MAP3K5: variants seen among roughly 807,000 people sequenced by gnomAD.
The protein encoded by MAP3K5 is mitogen-activated protein kinase kinase kinase 5.
A neutral mutation model predicts 158.7 loss-of-function variants in MAP3K5; 56 were observed. That is an observed-to-expected ratio of 0.35 (90% CI 0.28 to 0.44). The LOEUF (loss-of-function observed/expected upper bound fraction) is 0.44. Ranked by LOEUF, MAP3K5 falls within the 20% of genes least tolerant of loss-of-function variation. MAP3K5 has a pLI of 1.00. For synonymous variants in MAP3K5, 579 were observed against 601.7 expected, an observed-to-expected ratio of 0.96 and a Z score of 0.55; for missense variants, 1,294 against 1,674.8, an observed-to-expected ratio of 0.77 and a Z score of 3.97.
At chr6:136,579,330 A>G (rs1211205026) in intron 25 of MAP3K5, among the ~76,000 whole-genome samples, 1 of 152,132 alleles carries the variant, frequency 6.6e-6, no homozygotes, top group African/African-American at 2.4e-5. Context: ...TTTGCCTTAG[A>G]GTATGAATAC....
At chr6:136,740,835 T>C (rs546942420) in intron 1 of MAP3K5, among the ~76,000 whole-genome samples, 13 of 152,314 alleles carry the variant, frequency 8.5e-5, no homozygotes, top group Admixed American at 1.3e-4. Flanking sequence ...GAGAAGGAGC[T>C]TGAGTGCTAA....
intron 3 of MAP3K5, among the ~76,000 whole-genome samples, chr6:136,703,288 A>G (rs1402073822): frequency 6.6e-6 from 1 of 152,238 alleles, no homozygotes; most frequent in African/African-American, 2.4e-5. Flanking sequence ...CTTCTCCACA[A>G]GTCCAAGCTG....
chr6:136,758,809 T>A (rs779300158), intron 1 of MAP3K5, among the ~76,000 whole-genome samples: 4 of 152,256 alleles, frequency 2.6e-5, no homozygotes, highest in Admixed American at 1.3e-4. Context: ...ATTTTGAGTT[T>A]TTGCACATCT....
intron 1 of MAP3K5, among the ~76,000 whole-genome samples, chr6:136,736,695 A>G (rs1782475498): frequency 6.6e-6 from 1 of 151,840 alleles, no homozygotes; most frequent in African/African-American, 2.4e-5. Flanking sequence ...AGGAAAACTA[A>G]TGTTGTTGTT....
intron 1 of MAP3K5, among the ~76,000 whole-genome samples, chr6:136,781,658 A>T (rs1054626926): frequency 1.3e-5 from 2 of 152,210 alleles, no homozygotes; most frequent in Non-Finnish European, 2.9e-5. Context: ...TATAAGAAAT[A>T]GGATCATCTC....
intron 11 of MAP3K5, 50 bp downstream of exon 11, chr6:136,650,934 G>T: frequency 1.7e-6 from 2 of 1,170,740 alleles, no homozygotes; most frequent in Non-Finnish European, 2.5e-6. Flanking sequence ...CTAGAAGGGT[G>T]TAAAGTCCCT....
intron 21 of MAP3K5, 115 bp downstream of exon 21, chr6:136,600,907 C>T: frequency 9.3e-7 from 1 of 1,073,610 alleles, no homozygotes; most frequent in Non-Finnish European, 1.4e-6. Flanking sequence ...ACCGCACCCT[C>T]CTTTCCCCCC....
chr6:136,697,127 C>CA, intron 5 of MAP3K5, 92 bp downstream of exon 5: 1 of 1,107,274 alleles, frequency 9.0e-7, no homozygotes, highest in African/African-American at 1.6e-5. Context: ...GTAACATGAA[C>CA]TGCTTACCAG....
At chr6:136,700,504 GTTA>G in intron 3 of MAP3K5, among the ~76,000 whole-genome samples, 1 of 152,212 alleles carries the variant, frequency 6.6e-6, no homozygotes, top group East Asian at 1.9e-4. Context: ...ACCAGACTAA[GTTA>G]TTTATGAACA....
chr6:136,785,279 G>A (rs1187787255), intron 1 of MAP3K5, among the ~76,000 whole-genome samples: 1 of 152,212 alleles, frequency 6.6e-6, no homozygotes, highest in Non-Finnish European at 1.5e-5. Flanking sequence ...CCAGCAAGAT[G>A]GCATATTAAC....
intron 10 of MAP3K5, among the ~76,000 whole-genome samples, chr6:136,651,764 T>C (rs1257355072): frequency 1.3e-5 from 2 of 152,166 alleles, no homozygotes; most frequent in Non-Finnish European, 2.9e-5. Flanking sequence ...ATAAGGGGTA[T>C]GTGATAAATG....
At chr6:136,687,650 G>A (rs574704728) in intron 7 of MAP3K5, among the ~76,000 whole-genome samples, 25 of 152,154 alleles carry the variant, frequency 1.6e-4, no homozygotes, top group Middle Eastern at 3.4e-3. Flanking sequence ...ACATTTATGC[G>A]GCCAACAAAC....
At chr6:136,591,220 G>A (rs1428506042) in intron 23 of MAP3K5, among the ~76,000 whole-genome samples, 1 of 152,242 alleles carries the variant, frequency 6.6e-6, no homozygotes, top group African/African-American at 2.4e-5. Flanking sequence ...TCTCAGGTAT[G>A]TCTTTATTAG....
At chr6:136,577,144 C>G (rs1388204422) in intron 25 of MAP3K5, among the ~76,000 whole-genome samples, 1 of 152,138 alleles carries the variant, frequency 6.6e-6, no homozygotes, top group African/African-American at 2.4e-5. Context: ...TCTGAAATGG[C>G]AGGTTAACTA....
intron 11 of MAP3K5, among the ~76,000 whole-genome samples, chr6:136,650,247 A>G (rs1301536034): frequency 6.6e-6 from 1 of 152,236 alleles, no homozygotes; most frequent in South Asian, 2.1e-4. Context: ...GCATTCTGGG[A>G]AACAGTTACG....
intron 15 of MAP3K5, among the ~76,000 whole-genome samples, chr6:136,619,320 C>G (rs1776702492): frequency 1.3e-5 from 2 of 152,152 alleles, no homozygotes; most frequent in South Asian, 4.1e-4. Flanking sequence ...AAGCAGATCA[C>G]CTATGGCCTT....
intron 15 of MAP3K5, among the ~76,000 whole-genome samples, chr6:136,617,092 T>C (rs1776598824): frequency 6.6e-6 from 1 of 152,096 alleles, no homozygotes; most frequent in South Asian, 2.1e-4. Flanking sequence ...TGCTTAAACT[T>C]AAGACCCTGG....
chr6:136,791,974 C>A lies in MAP3K5; in HGVS notation c.184G>T (p.Ala62Ser). The A allele has an allele frequency of 1.2e-6, 2 of 1,608,440 alleles. No individual in the cohort carries two copies. ...GCCGCCGGACAACCGATGCCAGGGG[C>A]AGCGGCGCTCTCCACGTTCCAGAAG... Reference protein sequence around the residue: ...GSFWNVESAAAPGIGCPAATS... With the variant: ...GSFWNVESAASPGIGCPAATS... Residue 62 changes from alanine (A) to serine (S), a missense_variant, in exon 1 of 30, where the codon GCC becomes TCC. Physicochemically the swap from Ala to Ser is moderately conservative, Grantham distance 99. Transcript: ENST00000359015.
chr6:136,668,648 A>G (rs1429082222), intron 8 of MAP3K5, among the ~76,000 whole-genome samples: 2 of 152,170 alleles, frequency 1.3e-5, no homozygotes, highest in African/African-American at 4.8e-5. Context: ...ATCACTTGAA[A>G]TTTGTTCACT....
Sources: allele counts gnomAD v4.1 joint callset (sites outside exome capture counted in the v4.1 genomes callset), GRCh38; gene constraint gnomAD v4.1.1; transcripts MANE v1.5; gene names NCBI Gene and HGNC (gene_info 2026-07-23, HGNC 2026-07-21).